Variants in DCLK2 observed in about 807,000 individuals in gnomAD.
DCLK2 encodes the protein serine/threonine-protein kinase DCLK2.
DCLK2 carries 31 observed loss-of-function variants against 78.4 expected under a neutral mutation model. The observed-to-expected ratio is 0.40, with a 90% CI of 0.30 to 0.53. DCLK2 has a LOEUF of 0.53. DCLK2 is among the 20% of genes least tolerant of loss of function. The pLI, the probability that DCLK2 is intolerant of heterozygous loss-of-function variation, is 0.61. For synonymous variants in DCLK2, 407 were observed against 374.9 expected, an observed-to-expected ratio of 1.09 and a Z score of -0.99; for missense variants, 872 against 973.7, an observed-to-expected ratio of 0.90 and a Z score of 1.39.
rs1158207237 is a variant in DCLK2, at chr4:150,249,671, T to C, written c.2060T>C (p.Val687Ala). Residue 687 changes from valine (V) to alanine (A), a missense_variant, in exon 15 of 16, where the codon GTC becomes GCC. Transcript: ENST00000296550. ...LPKQNSTTTGVSVIMNTALDK... is the reference protein window; with the variant it reads ...LPKQNSTTTGASVIMNTALDK... ...AAACAGAACAGCACTACCACCGGGG[T>C]CTCCGTCATCATGGTGAGTGGAAGG... 3 of 1,613,320 alleles carry C rather than the reference T, an allele frequency of 1.9e-6. No individual in the cohort carries two copies. The highest frequency in any genetic ancestry group is 3.3e-5 in the Admixed American group (2 of 60,008).
intron 2 of DCLK2, among the ~76,000 whole-genome samples, chr4:150,115,999 C>G (rs530432803): frequency 1.3e-5 from 2 of 152,284 alleles, no homozygotes; most frequent in South Asian, 4.2e-4. Flanking sequence ...AACTCTGCTT[C>G]CCTGCCACAC....
intron 12 of DCLK2, among the ~76,000 whole-genome samples, chr4:150,242,656 C>A (rs1743014461): frequency 6.6e-6 from 1 of 152,072 alleles, no homozygotes; most frequent in African/African-American, 2.4e-5. Flanking sequence ...CAGGGGCTGT[C>A]CTGGGCTTCC....
intron 2 of DCLK2, among the ~76,000 whole-genome samples, chr4:150,190,929 C>T (rs1260489257): frequency 6.6e-6 from 1 of 152,002 alleles, no homozygotes; most frequent in African/African-American, 2.4e-5. Context: ...CCATCTCTAC[C>T]TACTTACCTA....
At chr4:150,224,425 T>C in intron 7 of DCLK2, 76 bp from the exon 8 acceptor site, 2 of 1,376,106 alleles carry the variant, frequency 1.5e-6, no homozygotes, top group South Asian at 1.4e-5. Flanking sequence ...AAAATTAAAG[T>C]ATAAAAAAGA....
intron 2 of DCLK2, among the ~76,000 whole-genome samples, chr4:150,107,378 G>GTTTTTTTT (rs201080236): frequency 8.0e-6 from 1 of 125,186 alleles, no homozygotes; most frequent in African/African-American, 3.1e-5. Flanking sequence ...TTTGGTTATT[G>GTTTTTTTT]TTTTTTTTTT....
rs1444381097 is a variant in DCLK2 at position 150,195,368 on chromosome 4, ATAATATTATATAAT to A, written c.859+2129_859+2142del. 2.5e-3 allele frequency among the ~76,000 whole-genome samples: 16 copies of A among 6,510 alleles called. 8 individuals carry two copies. The highest frequency in any genetic ancestry group is 7.5e-3 in the African/African-American group (10 of 1,342). 4.3% of individuals were successfully genotyped at this position (6,510 alleles called of 152,430 possible). A position where few individuals can be genotyped will look rare whatever the true frequency, so the allele number is the denominator to read the frequency against. ...TAATATTATATATTATATATATTAT[ATAATATTATATAAT>A]ATATATATTATATAATATTATATAT... On this transcript the variant is annotated intron_variant, in intron 3 of 15. Coordinates refer to ENST00000296550, the MANE Select transcript of DCLK2 (RefSeq NM_001040260.4).
intron 2 of DCLK2, among the ~76,000 whole-genome samples, chr4:150,152,376 G>C (rs1055133141): frequency 1.3e-5 from 2 of 152,138 alleles, no homozygotes; most frequent in Non-Finnish European, 2.9e-5. Context: ...CCACCTCCCC[G>C]GTTCAAGAGA....
intron 1 of DCLK2, among the ~76,000 whole-genome samples, chr4:150,082,282 C>G (rs574746150): frequency 2.4e-4 from 37 of 152,270 alleles, no homozygotes; most frequent in African/African-American, 8.7e-4. Flanking sequence ...CAACTAGGCT[C>G]TACTTCTTCG....
chr4:150,118,710 T>C (rs2150178511), intron 2 of DCLK2, among the ~76,000 whole-genome samples: 2 of 152,230 alleles, frequency 1.3e-5, no homozygotes, highest in South Asian at 4.1e-4. Context: ...ATAATAACAA[T>C]TTTGTTGGCC....
At chr4:150,129,645 A>T (rs1364103536) in intron 2 of DCLK2, among the ~76,000 whole-genome samples, 1 of 151,872 alleles carries the variant, frequency 6.6e-6, no homozygotes, top group Non-Finnish European at 1.5e-5. Context: ...GCTTGAACCC[A>T]GGAGACGGAG....
At chr4:150,129,051 C>T (rs930793234) in intron 2 of DCLK2, among the ~76,000 whole-genome samples, 1 of 152,028 alleles carries the variant, frequency 6.6e-6, no homozygotes. Context: ...CTAGCATATA[C>T]CTGACATAAC....
At position 150,256,248 on chromosome 4, in the gene DCLK2, G is replaced by A. The variant is rs1304625946; in HGVS notation, c.*1G>A. 6.6e-7 allele frequency: 1 copy of A among 1,512,536 alleles called. No individual in the cohort carries two copies. The highest frequency in any genetic ancestry group is 1.2e-5 in the South Asian group (1 of 80,290). 93.7% of individuals were successfully genotyped at this position (1,512,536 alleles called of 1,614,324 possible). A position where few individuals can be genotyped will look rare whatever the true frequency, so the allele number is the denominator to read the frequency against. The stretch of plus-strand genomic sequence containing the variant: ...AACCTGGCGCCGCCACCGAGACTGA[G>A]CCTCCTGCAGACGGGCGAAGCCGCC... On this transcript the variant is annotated 3_prime_UTR_variant, in exon 16 of 16. Coordinates refer to ENST00000296550, the MANE Select transcript of DCLK2 (RefSeq NM_001040260.4).
chr4:150,178,106 T>C (rs902617809), intron 2 of DCLK2, among the ~76,000 whole-genome samples: 29 of 152,230 alleles, frequency 1.9e-4, no homozygotes, highest in African/African-American at 6.3e-4. Context: ...AAGAGTTTTC[T>C]ACCCTCATTG....
chr4:150,215,548 G>C (rs1740633200), intron 5 of DCLK2, among the ~76,000 whole-genome samples: 2 of 152,204 alleles, frequency 1.3e-5, no homozygotes, highest in Non-Finnish European at 1.5e-5. Flanking sequence ...GGATACAGAT[G>C]AAGATATGCA....
At chr4:150,170,665 C>T (rs1397430938) in intron 2 of DCLK2, among the ~76,000 whole-genome samples, 1 of 152,196 alleles carries the variant, frequency 6.6e-6, no homozygotes, top group African/African-American at 2.4e-5. Flanking sequence ...CTGATATCTT[C>T]CTTTCCCCTA....
intron 2 of DCLK2, among the ~76,000 whole-genome samples, chr4:150,190,981 C>T (rs1031552872): frequency 7.2e-5 from 11 of 151,942 alleles, no homozygotes; most frequent in African/African-American, 9.7e-5. Flanking sequence ...TAAGATTTAG[C>T]TAGGCATGGT....
At chr4:150,167,829 C>CA (rs1736212093) in intron 2 of DCLK2, among the ~76,000 whole-genome samples, 2 of 152,108 alleles carry the variant, frequency 1.3e-5, no homozygotes, top group African/African-American at 2.4e-5. Context: ...CACTAAGAGG[C>CA]AAAATGGCAG....
chr4:150,206,950 C>T (rs951003585), intron 5 of DCLK2, among the ~76,000 whole-genome samples: 1 of 152,038 alleles, frequency 6.6e-6, no homozygotes, highest in Admixed American at 6.6e-5. Flanking sequence ...TGCAAGGCAC[C>T]AGCTTATTTT....
intron 2 of DCLK2, among the ~76,000 whole-genome samples, chr4:150,128,721 A>G (rs534566745): frequency 2.4e-4 from 37 of 152,310 alleles, no homozygotes; most frequent in African/African-American, 8.7e-4. Flanking sequence ...CACTGGTTTC[A>G]TAGGGTAAAG....
Sources: gnomAD v4.1 joint callset for allele counts (sites outside exome capture counted in the v4.1 genomes callset) on GRCh38, gnomAD v4.1.1 for gene constraint, MANE v1.5 for transcripts, NCBI Gene and HGNC (gene_info 2026-07-23, HGNC 2026-07-21) for gene names.